The following VPS13A variants were observed in gnomAD, a reference collection of about 807,000 sequenced individuals.
The protein encoded by VPS13A is vacuolar protein sorting 13 homolog A, also known as intermembrane lipid transfer protein VPS13A.
A neutral mutation model predicts 390.9 loss-of-function variants in VPS13A; 264 were observed. The ratio of observed to expected loss-of-function variants is 0.68; its 90% CI spans 0.61 to 0.75. The LOEUF (loss-of-function observed/expected upper bound fraction) is 0.75, where lower values mean the gene tolerates loss of function less well. Ranked by LOEUF, VPS13A falls within the 30% of genes least tolerant of loss-of-function variation. VPS13A has a pLI of 0.00. For synonymous variants in VPS13A, 1,231 were observed against 1,227.1 expected (o/e 1.00, Z -0.07); for missense variants, 3,409 against 3,733.9 (o/e 0.91, Z 2.27).
chr9:77,416,927 A>C lies in VPS13A; in HGVS notation c.*921A>C, dbSNP rs1296823209. ...TCTCATATAAAGTTTATGTACCCTA[A>C]AATCTAACCCAATAACCTGTCCCGT... On this transcript the variant is annotated 3_prime_UTR_variant, in exon 72 of 72. Transcript: ENST00000360280. 6.6e-6 allele frequency: 1 copy of C among 152,600 alleles called. No homozygotes were observed. Among genetic ancestry groups the C allele is most frequent in the Non-Finnish European group, 1.5e-5 (1 of 68,028 alleles). 9.5% of individuals were successfully genotyped at this position (152,600 alleles called of 1,614,324 possible).
At chr9:77,317,478 A>G in intron 39 of VPS13A, 128 bp from the exon 40 acceptor site, 1 of 638,698 alleles carries the variant, frequency 1.6e-6, no homozygotes, top group Non-Finnish European at 2.7e-6. Flanking sequence ...GTGTATTATT[A>G]AGTCACTTTT....
Position 77,212,806 on chromosome 9 carries a change from A to G in VPS13A, c.556-163A>G, listed in dbSNP as rs189072019. Among the ~76,000 whole-genome samples, 58 of 152,292 alleles carry G rather than the reference A, an allele frequency of 3.8e-4. 1 individual carries two copies. Among genetic ancestry groups the G allele is most frequent in the African/African-American group, 1.3e-3 (54 of 41,554 alleles). ...CAATGAGCTCCTTCCTTGAAAGCAG[A>G]CACTTTACTGTGGTCAGTTAGTATT... On this transcript the variant is annotated intron_variant, in intron 7 of 71. Coordinates refer to ENST00000360280, the MANE Select transcript of VPS13A (RefSeq NM_033305.3).
At chr9:77,197,667 A>T (rs1302871712) in intron 1 of VPS13A, among the ~76,000 whole-genome samples, 1 of 152,126 alleles carries the variant, frequency 6.6e-6, no homozygotes, top group Non-Finnish European at 1.5e-5. Flanking sequence ...ACATATACAT[A>T]ATGAGATATC....
intron 31 of VPS13A, among the ~76,000 whole-genome samples, chr9:77,289,512 T>G (rs1827525394): frequency 6.6e-6 from 1 of 152,122 alleles, no homozygotes; most frequent in Non-Finnish European, 1.5e-5. Context: ...CCAATAATAT[T>G]TTATTGTTGT....
At chr9:77,297,625 T>G (rs2131380488) in intron 33 of VPS13A, among the ~76,000 whole-genome samples, 1 of 151,894 alleles carries the variant, frequency 6.6e-6, no homozygotes, top group Middle Eastern at 3.4e-3. Context: ...CCATTCATGT[T>G]ACTCCATCCT....
Position 77,403,751 on chromosome 9 carries a change from C to G in VPS13A, c.9275+430C>G, listed in dbSNP as rs546904724. On this transcript the variant is annotated intron_variant, in intron 69 of 71. Coordinates refer to ENST00000360280, the MANE Select transcript of VPS13A (RefSeq NM_033305.3). ...ATAAAATTTTAGGTGGATACTCCAG[C>G]GACTTCTTCAAGTAGACAGTGGAGG... 3.3e-5 allele frequency among the ~76,000 whole-genome samples: 5 copies of G among 152,212 alleles called. No individual in the cohort carries two copies. The South Asian group carries it at 1.0e-3, about 32-fold the overall frequency.
chr9:77,355,225 A>G (rs1831704160), intron 54 of VPS13A, among the ~76,000 whole-genome samples: 1 of 152,180 alleles, frequency 6.6e-6, no homozygotes, highest in South Asian at 2.1e-4. Flanking sequence ...TTTGCTTTCA[A>G]CACACCATGA....
intron 44 of VPS13A, 30 bp from the exon 45 acceptor site, chr9:77,323,037 A>C: frequency 6.5e-7 from 1 of 1,532,234 alleles, no homozygotes; most frequent in African/African-American, 1.4e-5. Context: ...AATTATAATA[A>C]AAACTTTTAA....
Position 77,293,506 on chromosome 9 carries a change from T to C in VPS13A, c.3505T>C (p.Leu1169=). ...VFVTKFLYSI[L]AFIDNFQAAK... is the part of the protein sequence containing the mutation. ...TGTCACGAAATTTCTATATTCTATATTGGTAAGTATTTTATTAAATTATTA... is the reference window on the plus strand; with the variant it reads ...TGTCACGAAATTTCTATATTCTATACTGGTAAGTATTTTATTAAATTATTA... The change falls in exon 32 of 72, where the codon TTG becomes CTG. Residue 1169 remains leucine, a splice_region_variant and synonymous_variant. Transcript: ENST00000360280. 1 of 1,471,430 alleles carries C rather than the reference T, an allele frequency of 6.8e-7. No homozygotes were observed. 91.1% of individuals were successfully genotyped at this position (1,471,430 alleles called of 1,614,324 possible).
chr9:77,414,043 C>T (rs1254390898), intron 71 of VPS13A, among the ~76,000 whole-genome samples: 1 of 152,170 alleles, frequency 6.6e-6, no homozygotes, highest in East Asian at 1.9e-4. Context: ...AATGAGATAC[C>T]ATCTCACACC....
chr9:77,218,684 A>G (rs945258321), intron 10 of VPS13A, among the ~76,000 whole-genome samples: 1 of 150,584 alleles, frequency 6.6e-6, no homozygotes, highest in Non-Finnish European at 1.5e-5. Flanking sequence ...TAGTAAGTTA[A>G]ATATTTTACA....
chr9:77,305,661 C>G (rs1176079570), intron 34 of VPS13A: 6 of 165,896 alleles, frequency 3.6e-5, no homozygotes, highest in African/African-American at 1.2e-4. Context: ...TTCCCTTACT[C>G]TAATTCACCT....
intron 68 of VPS13A, chr9:77,384,805 C>T: frequency 6.7e-7 from 1 of 1,489,130 alleles, no homozygotes; most frequent in Admixed American, 2.3e-5. Context: ...AAATGTTTTC[C>T]TACACATTTT....
rs1365911341 is a variant in VPS13A, at chr9:77,384,796, A to G, written c.9189+2709A>G. On this transcript the variant is annotated intron_variant, in intron 68 of 71. Transcript: ENST00000360280. The stretch of plus-strand genomic sequence containing the variant: ...GGAGGTAAAACACATTTTCTTTTAA[A>G]ATGTTTTCCTACACATTTTCATAAA... 2.0e-6 allele frequency: 3 copies of G among 1,500,276 alleles called. No homozygotes were observed. In the East Asian group the frequency reaches 7.4e-5, roughly 37 times the overall value. The allele number at this position is 1,500,276 out of a possible 1,614,324, so 92.9% of individuals were successfully genotyped here.
intron 55 of VPS13A, 101 bp downstream of exon 55, chr9:77,356,968 C>T: frequency 1.6e-6 from 2 of 1,275,104 alleles, no homozygotes; most frequent in Non-Finnish European, 1.1e-6. Flanking sequence ...CCTTATAAAA[C>T]AAAATAATCC....
chr9:77,384,550 CT>C, intron 68 of VPS13A: 1 of 1,610,770 alleles, frequency 6.2e-7, no homozygotes. Flanking sequence ...CTCTACTAAC[CT>C]TTGTGCTTCT....
At chr9:77,363,596 G>A (rs1490395031) in intron 59 of VPS13A, among the ~76,000 whole-genome samples, 2 of 149,830 alleles carry the variant, frequency 1.3e-5, no homozygotes, top group Non-Finnish European at 3.0e-5. Context: ...AATTTTAGTA[G>A]AGACAGGGTT....
At chr9:77,205,555 C>T (rs1825590826) in intron 4 of VPS13A, 147 bp downstream of exon 4, 1 of 346,602 alleles carries the variant, frequency 2.9e-6, no homozygotes, top group Non-Finnish European at 5.1e-6. Context: ...GGTTTTTACT[C>T]TACATTTTTG....
chr9:77,307,594 C>T (rs1828831262), intron 34 of VPS13A, among the ~76,000 whole-genome samples: 1 of 152,158 alleles, frequency 6.6e-6, no homozygotes, highest in Non-Finnish European at 1.5e-5. Context: ...TTTTATTCTA[C>T]ATTTGTAAAA....
Sources: gnomAD v4.1 joint callset for allele counts (sites outside exome capture counted in the v4.1 genomes callset) on GRCh38, gnomAD v4.1.1 for gene constraint, MANE v1.5 for transcripts, NCBI Gene and HGNC (gene_info 2026-07-23, HGNC 2026-07-21) for gene names.